Variants in SPIDR observed in about 807,000 individuals in gnomAD.
SPIDR encodes DNA repair-scaffolding protein.
In SPIDR, 93 loss-of-function variants were observed where a neutral mutation model predicts 104.6. The ratio of observed to expected loss-of-function variants is 0.89; its 90% CI spans 0.75 to 1.06. The LOEUF is 1.06. Ranked by LOEUF, SPIDR falls within the 50% of genes least tolerant of loss-of-function variation. SPIDR has a pLI of 0.00. For synonymous variants in SPIDR, 431 were observed against 416.9 expected, an observed-to-expected ratio of 1.03 and a Z score of -0.41; for missense variants, 1,154 against 1,111.2, an observed-to-expected ratio of 1.04 and a Z score of -0.55.
intron 8 of SPIDR, among the ~76,000 whole-genome samples, chr8:47,454,623 T>A (rs897078076): frequency 6.6e-6 from 1 of 151,906 alleles, no homozygotes; most frequent in African/African-American, 2.4e-5. Flanking sequence ...ACCCTAGAAC[T>A]TAAAGTATAA....
At chr8:47,723,971 CTAT>C (rs2083828652) in intron 16 of SPIDR, among the ~76,000 whole-genome samples, 1 of 151,214 alleles carries the variant, frequency 6.6e-6, no homozygotes, top group South Asian at 2.2e-4. Flanking sequence ...TTTAAATAAA[CTAT>C]TATCTTTTCT....
chr8:47,588,360 T>G (rs2154417385), intron 8 of SPIDR, among the ~76,000 whole-genome samples: 1 of 151,636 alleles, frequency 6.6e-6, no homozygotes, highest in African/African-American at 2.4e-5. Context: ...AAATGGTATG[T>G]TTTTCCCATT....
intron 5 of SPIDR, 151 bp downstream of exon 5, chr8:47,294,181 C>A: frequency 1.1e-6 from 1 of 930,164 alleles, no homozygotes; most frequent in Non-Finnish European, 1.6e-6. Context: ...ACTCACTTAT[C>A]TCTAAATAAC....
At chr8:47,546,104 G>A (rs541518888) in intron 8 of SPIDR, among the ~76,000 whole-genome samples, 18 of 152,108 alleles carry the variant, frequency 1.2e-4, no homozygotes, top group Non-Finnish European at 2.2e-4. Flanking sequence ...TGATACCAGC[G>A]TAATTCTAGG....
intron 8 of SPIDR, among the ~76,000 whole-genome samples, chr8:47,501,470 T>G (rs903177474): frequency 6.6e-6 from 1 of 152,172 alleles, no homozygotes; most frequent in African/African-American, 2.4e-5. Flanking sequence ...ATAAGAATGC[T>G]TGTGATTTTT....
chr8:47,520,509 T>C (rs1437225431), intron 8 of SPIDR, among the ~76,000 whole-genome samples: 2 of 152,214 alleles, frequency 1.3e-5, no homozygotes, highest in East Asian at 3.8e-4. Flanking sequence ...TATTTTTCTC[T>C]CTCAGCCCCA....
intron 8 of SPIDR, among the ~76,000 whole-genome samples, chr8:47,562,363 A>C (rs533733993): frequency 6.6e-6 from 1 of 152,292 alleles, no homozygotes; most frequent in East Asian, 1.9e-4. Flanking sequence ...GGCTGAGGAC[A>C]TCAGAGTCCT....
At chr8:47,261,050 G>A in intron 1 of SPIDR, 59 bp downstream of exon 1, 1 of 1,224,446 alleles carries the variant, frequency 8.2e-7, no homozygotes, top group Non-Finnish European at 1.0e-6. Context: ...GGAAGCGGCG[G>A]GCCGGCGCGG....
At chr8:47,489,483 A>G (rs1464172519) in intron 8 of SPIDR, among the ~76,000 whole-genome samples, 2 of 152,230 alleles carry the variant, frequency 1.3e-5, no homozygotes, top group Non-Finnish European at 2.9e-5. Context: ...GACTTTCTTC[A>G]CAGAATTGGA....
chr8:47,509,730 A>C (rs1255463675), intron 8 of SPIDR, among the ~76,000 whole-genome samples: 4 of 152,208 alleles, frequency 2.6e-5, no homozygotes, highest in African/African-American at 9.7e-5. Flanking sequence ...AATTCAGAAA[A>C]GGTAATTAAC....
chr8:47,498,494 T>C (rs2079815471), intron 8 of SPIDR, among the ~76,000 whole-genome samples: 1 of 152,190 alleles, frequency 6.6e-6, no homozygotes, highest in Admixed American at 6.5e-5. Context: ...GCTTAAGTTA[T>C]GAGTTACAAT....
intron 8 of SPIDR, among the ~76,000 whole-genome samples, chr8:47,544,532 C>T (rs1041613796): frequency 2.6e-5 from 4 of 152,156 alleles, no homozygotes; most frequent in African/African-American, 9.7e-5. Context: ...AGGTGTGAGA[C>T]TTAGGTGGAA....
chr8:47,559,324 G>T (rs2056773143), intron 8 of SPIDR, among the ~76,000 whole-genome samples: 1 of 152,168 alleles, frequency 6.6e-6, no homozygotes, highest in Non-Finnish European at 1.5e-5. Flanking sequence ...ATATACCAGT[G>T]TGCCCTCTGA....
intron 8 of SPIDR, among the ~76,000 whole-genome samples, chr8:47,521,729 A>AT (rs2084135284): frequency 6.6e-6 from 1 of 151,222 alleles, no homozygotes; most frequent in African/African-American, 2.4e-5. Context: ...GCCACTCTTT[A>AT]TTTTTTTATT....
intron 14 of SPIDR, among the ~76,000 whole-genome samples, chr8:47,702,336 C>T (rs1024711261): frequency 1.3e-5 from 2 of 152,150 alleles, no homozygotes; most frequent in African/African-American, 4.8e-5. Flanking sequence ...GTCCCCAAAG[C>T]TTCTCAGCCC....
intron 10 of SPIDR, among the ~76,000 whole-genome samples, chr8:47,643,542 T>A (rs1021935570): frequency 6.6e-6 from 1 of 151,992 alleles, no homozygotes; most frequent in East Asian, 1.9e-4. Flanking sequence ...GTTGTTGTTG[T>A]TGTTTTCTAG....
Position 47,679,667 on chromosome 8 carries a change from G to A in SPIDR, c.1685+5726G>A, listed in dbSNP as rs750508641. On this transcript the variant is annotated intron_variant, in intron 11 of 19. Transcript: ENST00000297423. The stretch of plus-strand genomic sequence containing the variant: ...AGTGCTGGCCTGTGCCATGTGCTGC[G>A]CCACTGGGCTCCAAGTCTAATGGAC... Among the ~76,000 whole-genome samples, 12 of 152,144 alleles carry A rather than the reference G, an allele frequency of 7.9e-5. No individual in the cohort carries two copies. In the South Asian group the frequency reaches 8.3e-4, roughly 10 times the overall value.
At chr8:47,299,185 G>T (rs1380567097) in intron 5 of SPIDR, among the ~76,000 whole-genome samples, 1 of 152,140 alleles carries the variant, frequency 6.6e-6, no homozygotes, top group Non-Finnish European at 1.5e-5. Flanking sequence ...TTGTAAGTTG[G>T]AATCCTAGGT....
chr8:47,611,004 C>T (rs994993230), intron 10 of SPIDR, among the ~76,000 whole-genome samples: 1 of 152,192 alleles, frequency 6.6e-6, no homozygotes, highest in Admixed American at 6.5e-5. Context: ...GGCTGTGACT[C>T]ATCTGGTTTT....
Sources: gnomAD v4.1 joint callset for allele counts (sites outside exome capture counted in the v4.1 genomes callset) on GRCh38, gnomAD v4.1.1 for gene constraint, MANE v1.5 for transcripts, NCBI Gene and HGNC (gene_info 2026-07-23, HGNC 2026-07-21) for gene names.